Variants in HDAC9 observed in about 807,000 individuals in gnomAD.
HDAC9 encodes histone deacetylase 9.
In HDAC9, 41 loss-of-function variants were observed where a neutral mutation model predicts 139.4. The ratio of observed to expected loss-of-function variants is 0.29; its 90% CI spans 0.23 to 0.38. HDAC9 has a LOEUF of 0.38. Ranked by LOEUF, HDAC9 falls within the 10% of genes least tolerant of loss-of-function variation. The probability of loss-of-function intolerance (pLI) is 1.00; values close to 1 mark genes in which losing one functional copy is unlikely to be tolerated. For synonymous variants in HDAC9, 517 were observed against 476.2 expected (o/e 1.09, Z -1.12); for missense variants, 1,147 against 1,297.0 (o/e 0.88, Z 1.78).
chr7:18,810,356 A>G (rs989587758), intron 17 of HDAC9, among the ~76,000 whole-genome samples: 1 of 151,900 alleles, frequency 6.6e-6, no homozygotes, highest in Non-Finnish European at 1.5e-5. Context: ...TTAAGGTAAC[A>G]TTCACAGATT....
intron 2 of HDAC9, among the ~76,000 whole-genome samples, chr7:18,230,758 G>A (rs766313684): frequency 2.6e-5 from 4 of 152,068 alleles, no homozygotes; most frequent in Non-Finnish European, 5.9e-5. Context: ...ACTCTTAAAA[G>A]TAGTTTTAAA....
At chr7:18,430,026 A>G (rs1355692345) in intron 1 of HDAC9, among the ~76,000 whole-genome samples, 1 of 152,210 alleles carries the variant, frequency 6.6e-6, no homozygotes, top group Non-Finnish European at 1.5e-5. Flanking sequence ...GAAATTTATA[A>G]TAGTTCTATA....
intron 2 of HDAC9, among the ~76,000 whole-genome samples, chr7:18,195,333 G>A (rs1790647802): frequency 6.6e-6 from 1 of 152,124 alleles, no homozygotes; most frequent in Non-Finnish European, 1.5e-5. Context: ...GTTTTCAAAA[G>A]TACCATATAC....
At chr7:18,774,905 G>A (rs1022042380) in intron 16 of HDAC9, among the ~76,000 whole-genome samples, 1 of 151,974 alleles carries the variant, frequency 6.6e-6, no homozygotes, top group South Asian at 2.1e-4. Context: ...TGCCTTCTTC[G>A]CTAAGCTTAA....
At chr7:18,705,049 A>G (rs768454766) in intron 12 of HDAC9, among the ~76,000 whole-genome samples, 18 of 152,220 alleles carry the variant, frequency 1.2e-4, no homozygotes, top group Non-Finnish European at 2.9e-5. Flanking sequence ...TTTCAATAAT[A>G]TATGATTTTT....
chr7:18,411,514 A>C (rs1212766088), intron 1 of HDAC9, among the ~76,000 whole-genome samples: 1 of 152,088 alleles, frequency 6.6e-6, no homozygotes, highest in Non-Finnish European at 1.5e-5. Flanking sequence ...AGCTGGGGCT[A>C]CAGGTGTACA....
chr7:18,864,928 A>G (rs1248509184), intron 21 of HDAC9, among the ~76,000 whole-genome samples: 2 of 152,200 alleles, frequency 1.3e-5, no homozygotes, highest in South Asian at 2.1e-4. Context: ...TTTAATGTAC[A>G]TTTTACCACA....
At chr7:18,623,393 G>C (rs1261060690) in intron 6 of HDAC9, among the ~76,000 whole-genome samples, 2 of 152,120 alleles carry the variant, frequency 1.3e-5, no homozygotes, top group Non-Finnish European at 2.9e-5. Flanking sequence ...AGGCAAAGGA[G>C]TGTACCAATT....
chr7:18,437,969 A>G (rs2128770590), intron 1 of HDAC9, among the ~76,000 whole-genome samples: 1 of 151,778 alleles, frequency 6.6e-6, no homozygotes, highest in East Asian at 1.9e-4. Flanking sequence ...ACACAGACAC[A>G]CACACACATA....
chr7:18,894,164 T>C (rs1001171734), intron 22 of HDAC9, among the ~76,000 whole-genome samples: 3 of 152,104 alleles, frequency 2.0e-5, no homozygotes, highest in Non-Finnish European at 4.4e-5. Flanking sequence ...GGCTCTGAAC[T>C]GAAATGGGGA....
At chr7:18,555,641 A>G (rs1166318570) in intron 2 of HDAC9, among the ~76,000 whole-genome samples, 1 of 152,148 alleles carries the variant, frequency 6.6e-6, no homozygotes, top group Non-Finnish European at 1.5e-5. Flanking sequence ...GGATCTTAGC[A>G]ATGCTAACAT....
chr7:18,497,281 A>G (rs766337584), intron 2 of HDAC9, among the ~76,000 whole-genome samples: 46 of 152,266 alleles, frequency 3.0e-4, no homozygotes, highest in Non-Finnish European at 5.9e-4. Flanking sequence ...CTTAATCGTA[A>G]TTATAGATCA....
intron 22 of HDAC9, among the ~76,000 whole-genome samples, chr7:18,901,229 C>T (rs1801686415): frequency 6.7e-6 from 1 of 148,326 alleles, no homozygotes; most frequent in Admixed American, 6.8e-5. Context: ...TATACACACA[C>T]ACACACACAC....
intron 2 of HDAC9, among the ~76,000 whole-genome samples, chr7:18,172,404 C>G (rs745968843): frequency 1.3e-5 from 2 of 152,142 alleles, no homozygotes; most frequent in Non-Finnish European, 2.9e-5. Context: ...AAACCAGCTC[C>G]TGGATTCATT....
At chr7:18,265,918 T>A (rs978012290) in intron 2 of HDAC9, among the ~76,000 whole-genome samples, 1 of 152,178 alleles carries the variant, frequency 6.6e-6, no homozygotes, top group Admixed American at 6.5e-5. Context: ...ATGGAGATTA[T>A]TCTATAATAC....
At chr7:18,437,402 G>C (rs993848001) in intron 1 of HDAC9, among the ~76,000 whole-genome samples, 3 of 151,976 alleles carry the variant, frequency 2.0e-5, no homozygotes, top group African/African-American at 7.3e-5. Flanking sequence ...CTCATTTCAA[G>C]CCTTTGCATC....
At chr7:18,493,139 A>G (rs536570492), upstream of HDAC9, among the ~76,000 whole-genome samples, 21 of 151,938 alleles carry the variant, frequency 1.4e-4, no homozygotes, top group African/African-American at 5.1e-4. Context: ...GTTTTATTCT[A>G]TTTTTTATTT....
intron 23 of HDAC9, among the ~76,000 whole-genome samples, chr7:18,947,282 C>G (rs1466390168): frequency 6.6e-6 from 1 of 151,666 alleles, no homozygotes; most frequent in Non-Finnish European, 1.5e-5. Flanking sequence ...AAATAGAAAA[C>G]AAGCATATAT....
intron 6 of HDAC9, among the ~76,000 whole-genome samples, chr7:18,603,239 T>A (rs924156266): frequency 6.6e-6 from 1 of 152,104 alleles, no homozygotes. Flanking sequence ...GAACGTCTTG[T>A]TTTTTAAATT....
Sources: gnomAD v4.1 joint callset for allele counts (sites outside exome capture counted in the v4.1 genomes callset) on GRCh38, gnomAD v4.1.1 for gene constraint, MANE v1.5 for transcripts, NCBI Gene and HGNC (gene_info 2026-07-23, HGNC 2026-07-21) for gene names.